The following POMGNT2 variants were observed in gnomAD, a reference collection of about 807,000 sequenced individuals.
The protein encoded by POMGNT2 is protein O-linked mannose N-acetylglucosaminyltransferase 2 (beta 1,4-), also known as protein O-linked-mannose beta-1,4-N-acetylglucosaminyltransferase 2.
POMGNT2 carries 32 observed loss-of-function variants against 37.8 expected under a neutral mutation model. The observed-to-expected ratio is 0.85, with a 90% CI of 0.64 to 1.14. The LOEUF is 1.14. Ranked by LOEUF, POMGNT2 falls within the 50% of genes most tolerant of loss-of-function variation. POMGNT2 has a pLI of 0.00. For missense variants in POMGNT2, 705 were observed against 780.6 expected (o/e 0.90, Z 1.15); for synonymous variants, 340 against 336.8 (o/e 1.01, Z -0.10).
intron 1 of POMGNT2, among the ~76,000 whole-genome samples, chr3:43,095,804 G>C (rs1190696288): frequency 6.6e-6 from 1 of 152,198 alleles, no homozygotes; most frequent in Non-Finnish European, 1.5e-5. Flanking sequence ...GCAAGGGGCA[G>C]AGAAGAGAAA....
intron 1 of POMGNT2, among the ~76,000 whole-genome samples, chr3:43,105,381 C>T (rs2090050251): frequency 6.6e-6 from 1 of 152,218 alleles, no homozygotes; most frequent in Admixed American, 6.5e-5. Flanking sequence ...GGGGTTCTGC[C>T]TTCAAAGGCA....
intron 1 of POMGNT2, among the ~76,000 whole-genome samples, chr3:43,091,690 T>C (rs566799167): frequency 3.0e-4 from 45 of 152,388 alleles, no homozygotes; most frequent in African/African-American, 1.1e-3. Context: ...CTGGCAGACA[T>C]GCCCTGAACC....
Position 43,080,476 on chromosome 3 carries a change from A to G in POMGNT2, c.956T>C (p.Val319Ala), listed in dbSNP as rs182402456. Residue 319 changes from valine (V) to alanine (A), a missense_variant, in exon 2 of 2, where the codon GTG becomes GCG. Coordinates refer to ENST00000344697, the MANE Select transcript of POMGNT2 (RefSeq NM_032806.6). ...GGTGTGGTCCTCCAGGGACACTGTC[A>G]CTGTCTTCATCTGGAACTCCTGGGC... ...ALAQEFQMKT[V>A]TVSLEDHTFA... 5.6e-6 allele frequency: 9 copies of G among 1,614,162 alleles called. No individual in the cohort carries two copies. The highest frequency in any genetic ancestry group is 2.7e-5 in the African/African-American group (2 of 75,052).
intron 1 of POMGNT2, among the ~76,000 whole-genome samples, chr3:43,085,763 C>G: frequency 7.0e-6 from 1 of 143,380 alleles, no homozygotes; most frequent in Non-Finnish European, 1.5e-5. Context: ...GTATTTACAG[C>G]AAAAAAAAAA....
rs969170594 is a variant in POMGNT2 at position 43,079,271 on chromosome 3, T to C, written c.*418A>G. The C allele has an allele frequency of 4.9e-5, 8 of 164,840 alleles. No individual in the cohort carries two copies. The allele number at this position is 164,840 out of a possible 1,614,324, so 10.2% of individuals were successfully genotyped here. A position where few individuals can be genotyped will look rare whatever the true frequency, so the allele number is the denominator to read the frequency against. On this transcript the variant is annotated 3_prime_UTR_variant, in exon 2 of 2. Coordinates refer to ENST00000344697, the MANE Select transcript of POMGNT2 (RefSeq NM_032806.6). ...TTTAATGAATGTTCCAAACACACCCTTCACTGGGCTACAGGTAAATTTCAC... is the reference window on the plus strand; with the variant it reads ...TTTAATGAATGTTCCAAACACACCCCTCACTGGGCTACAGGTAAATTTCAC...
chr3:43,086,801 C>A (rs1198160144), intron 1 of POMGNT2, among the ~76,000 whole-genome samples: 1 of 152,168 alleles, frequency 6.6e-6, no homozygotes, highest in Non-Finnish European at 1.5e-5. Context: ...AAAGGAGTGG[C>A]TTCATTTTTT....
At chr3:43,102,487 G>A (rs1363396912) in intron 1 of POMGNT2, among the ~76,000 whole-genome samples, 2 of 152,194 alleles carry the variant, frequency 1.3e-5, no homozygotes, top group African/African-American at 4.8e-5. Context: ...AAAACAAAAG[G>A]ACTTGTCCAG....
chr3:43,095,613 C>A (rs745830505), intron 1 of POMGNT2, among the ~76,000 whole-genome samples: 1 of 152,174 alleles, frequency 6.6e-6, no homozygotes, highest in Non-Finnish European at 1.5e-5. Flanking sequence ...TAGCCCCAAC[C>A]CTATGAAGTA....
chr3:43,085,539 G>A (rs947477059), intron 1 of POMGNT2, among the ~76,000 whole-genome samples: 2 of 152,146 alleles, frequency 1.3e-5, no homozygotes, highest in Non-Finnish European at 2.9e-5. Context: ...CACGTAAGAT[G>A]TGCCTTGTTC....
chr3:43,092,478 G>A (rs1237040585), intron 1 of POMGNT2, among the ~76,000 whole-genome samples: 1 of 152,094 alleles, frequency 6.6e-6, no homozygotes, highest in Non-Finnish European at 1.5e-5. Context: ...TAAATTTTTT[G>A]TAGAGAAAGG....
At chr3:43,092,591 C>T (rs917544710) in intron 1 of POMGNT2, among the ~76,000 whole-genome samples, 3 of 152,188 alleles carry the variant, frequency 2.0e-5, no homozygotes, top group Admixed American at 6.5e-5. Context: ...AACCACCACA[C>T]CCAGCTGAGA....
At chr3:43,082,505 C>A (rs1575464130) in intron 1 of POMGNT2, among the ~76,000 whole-genome samples, 1 of 152,194 alleles carries the variant, frequency 6.6e-6, no homozygotes, top group East Asian at 1.9e-4. Flanking sequence ...TGCCCTCTCC[C>A]ATATACACAC....
chr3:43,082,135 A>C (rs79303213), intron 1 of POMGNT2, among the ~76,000 whole-genome samples: 2 of 152,244 alleles, frequency 1.3e-5, no homozygotes, highest in East Asian at 3.8e-4. Context: ...AAAAGCTAAC[A>C]AAGAGAGGCC....
Position 43,079,909 on chromosome 3 carries a change from A to C in POMGNT2, c.1523T>G (p.Ile508Ser), listed in dbSNP as rs2089831088. 2 of 1,614,096 alleles carry C rather than the reference A, an allele frequency of 1.2e-6. No homozygotes were observed. The highest frequency in any genetic ancestry group is 2.2e-5 in the South Asian group (2 of 91,080). ...SEARLTVSWQ[I>S]PWNLKYLKVR... is the part of the protein sequence containing the mutation. ...CTTCAGGTATTTAAGGTTCCATGGG[A>C]TCTGCCAGGAGACAGTGAGGCGGGC... Residue 508 changes from isoleucine (I) to serine (S), a missense_variant, in exon 2 of 2, where the codon ATC (isoleucine) becomes AGC (serine). Physicochemically the swap from Ile to Ser is moderately radical, Grantham distance 142. Transcript: ENST00000344697.
intron 1 of POMGNT2, among the ~76,000 whole-genome samples, chr3:43,096,085 CTTAT>C (rs1388867729): frequency 6.6e-6 from 1 of 152,160 alleles, no homozygotes; most frequent in Non-Finnish European, 1.5e-5. Context: ...AACCTTGATC[CTTAT>C]TTGTTTGCTT....
chr3:43,080,129 G>C lies in POMGNT2; in HGVS notation c.1303C>G (p.Leu435Val). The change falls in exon 2 of 2, where the codon CTC becomes GTC. Residue 435 changes from leucine (L) to valine (V), a missense_variant. Leu to Val is a conservative substitution (Grantham distance 32, BLOSUM62 1). Coordinates refer to ENST00000344697, the MANE Select transcript of POMGNT2 (RefSeq NM_032806.6). ...AGCCACTCGGGGTTCCGGCAACAGA[G>C]ATGCCGTGGGACCTCACGGCTTTGC... ...ILQSREVPRH[L>V]CCRNPEWLFR... 1 of 1,613,978 alleles carries C rather than the reference G, an allele frequency of 6.2e-7. No homozygotes were observed. Among genetic ancestry groups the C allele is most frequent in the Non-Finnish European group, 8.5e-7 (1 of 1,179,992 alleles).
rs377725833 is a variant in POMGNT2 at position 43,100,776 on chromosome 3, T to C, written c.-106+5060A>G. On this transcript the variant is annotated intron_variant, in intron 1 of 1. Transcript: ENST00000344697. ...TTCTCAGTCTATCTTCAACTTATGA[T>C]CTTGACAATTTTTAAGAGTCAGGGC... Among the ~76,000 whole-genome samples, 17 of 152,328 alleles carry C rather than the reference T, an allele frequency of 1.1e-4. No individual in the cohort carries two copies. In the East Asian group the frequency reaches 3.1e-3, roughly 28 times the overall value.
At chr3:43,082,687 G>A (rs1049641753) in intron 1 of POMGNT2, among the ~76,000 whole-genome samples, 6 of 152,328 alleles carry the variant, frequency 3.9e-5, no homozygotes, top group East Asian at 1.9e-4. Flanking sequence ...GCACTGCACC[G>A]GGAGGGAGTA....
Position 43,094,899 on chromosome 3 carries a change from G to A in POMGNT2, c.-106+10937C>T, listed in dbSNP as rs908637416. The stretch of plus-strand genomic sequence containing the variant: ...TGTGCCTCTCCTGCACCTGCTGTCC[G>A]TAATCCTGTCTCCCAGTGAGCCCAC... On this transcript the variant is annotated intron_variant, in intron 1 of 1. Coordinates refer to ENST00000344697, the MANE Select transcript of POMGNT2 (RefSeq NM_032806.6). Among the ~76,000 whole-genome samples the A allele has an allele frequency of 2.6e-5, 4 of 152,186 alleles. No individual in the cohort carries two copies. In the South Asian group the frequency reaches 8.3e-4, roughly 32 times the overall value.
Sources: gnomAD v4.1 joint callset for allele counts (sites outside exome capture counted in the v4.1 genomes callset) on GRCh38, gnomAD v4.1.1 for gene constraint, MANE v1.5 for transcripts, NCBI Gene and HGNC (gene_info 2026-07-23, HGNC 2026-07-21) for gene names.